The following NADSYN1 variants were observed in gnomAD, a reference collection of about 807,000 sequenced individuals.
The protein encoded by NADSYN1 is NAD synthetase 1.
In NADSYN1, 80 loss-of-function variants were observed where a neutral mutation model predicts 99.3. The ratio of observed to expected loss-of-function variants is 0.81; its 90% CI spans 0.67 to 0.97. The LOEUF (loss-of-function observed/expected upper bound fraction) is 0.97. Ranked by LOEUF, NADSYN1 falls within the 50% of genes least tolerant of loss-of-function variation. NADSYN1 has a pLI of 0.00. For synonymous variants in NADSYN1, 385 were observed against 372.1 expected, an observed-to-expected ratio of 1.03 and a Z score of -0.40; for missense variants, 859 against 948.5, an observed-to-expected ratio of 0.91 and a Z score of 1.24.
chr11:71,459,189 TTGTG>T lies in NADSYN1; in HGVS notation c.263+650_263+653del, dbSNP rs1488634463. On this transcript the variant is annotated intron_variant, in intron 3 of 20. Transcript: ENST00000319023. Reference sequence around the variant, plus strand: ...GCATAGCCAGTCCCTGTGGAGGCCTTTGTGTGTGCTGTGCTGGTGTCTGTGCGGT... The same window carrying T: ...GCATAGCCAGTCCCTGTGGAGGCCTTTGTGCTGTGCTGGTGTCTGTGCGGT... The T allele has an allele frequency of 8.3e-4, 117 of 140,238 alleles. 1 individual carries two copies. The highest frequency in any genetic ancestry group is 2.3e-4 in the Admixed American group (3 of 13,296). 8.7% of individuals were successfully genotyped at this position (140,238 alleles called of 1,614,324 possible). A position where few individuals can be genotyped will look rare whatever the true frequency, so the allele number is the denominator to read the frequency against.
At chr11:71,466,789 G>A (rs1375174665) in intron 5 of NADSYN1, 1 of 152,228 alleles carries the variant, frequency 6.6e-6, no homozygotes, top group African/African-American at 2.4e-5. Flanking sequence ...CAATATGTAT[G>A]CATTTATGTC....
intron 2 of NADSYN1, among the ~76,000 whole-genome samples, chr11:71,456,391 T>C (rs911664883): frequency 1.3e-5 from 2 of 152,232 alleles, no homozygotes; most frequent in African/African-American, 2.4e-5. Flanking sequence ...CTGTCTGATA[T>C]CACAAAGCTT....
chr11:71,489,093 A>T (rs7113783), intron 16 of NADSYN1, among the ~76,000 whole-genome samples: 1 of 151,878 alleles, frequency 6.6e-6, no homozygotes, highest in South Asian at 2.1e-4. Context: ...CCAGCCCTGC[A>T]GGGTTAAGTT....
intron 9 of NADSYN1, chr11:71,477,223 C>G (rs1949674562): frequency 8.4e-7 from 1 of 1,191,684 alleles, no homozygotes; most frequent in Non-Finnish European, 1.1e-6. Flanking sequence ...CGCCGTGCGG[C>G]AGGCTGTTAA....
chr11:71,491,567 G>GGTGCCCA (rs921824819), intron 17 of NADSYN1, among the ~76,000 whole-genome samples: 4 of 152,258 alleles, frequency 2.6e-5, no homozygotes, highest in African/African-American at 9.6e-5. Context: ...AGGTGTGCCC[G>GGTGCCCA]GTGCCCAGTG....
intron 1 of NADSYN1, among the ~76,000 whole-genome samples, chr11:71,454,077 G>A (rs917649946): frequency 6.6e-6 from 1 of 152,216 alleles, no homozygotes; most frequent in Non-Finnish European, 1.5e-5. Flanking sequence ...GCACCTAAAT[G>A]GGCAAGCCTG....
chr11:71,491,010 A>G (rs200947215), intron 17 of NADSYN1, 34 bp downstream of exon 17: 128 of 1,612,300 alleles, frequency 7.9e-5, no homozygotes, highest in Non-Finnish European at 1.0e-4. Context: ...CTCCACAGCC[A>G]CGGGGCTCCT....
intron 16 of NADSYN1, among the ~76,000 whole-genome samples, chr11:71,488,797 C>T (rs539688554): frequency 6.6e-6 from 1 of 152,272 alleles, no homozygotes; most frequent in South Asian, 2.1e-4. Flanking sequence ...TGTAGGCATG[C>T]ACCACCACGC....
chr11:71,471,102 A>G (rs1472166272), intron 5 of NADSYN1, among the ~76,000 whole-genome samples: 3 of 152,098 alleles, frequency 2.0e-5, no homozygotes, highest in African/African-American at 4.8e-5. Context: ...ATTTCAGAGC[A>G]TAAGTGTGGG....
chr11:71,493,834 A>AATTTTTTT (rs1383973338), intron 18 of NADSYN1, among the ~76,000 whole-genome samples: 5 of 152,108 alleles, frequency 3.3e-5, no homozygotes, highest in African/African-American at 9.7e-5. Flanking sequence ...TTTTAATTAA[A>AATTTTTTT]AAGTTTATAA....
intron 5 of NADSYN1, among the ~76,000 whole-genome samples, chr11:71,470,038 C>T (rs1048761511): frequency 2.0e-5 from 3 of 151,890 alleles, no homozygotes; most frequent in African/African-American, 7.3e-5. Flanking sequence ...CTCACAGTTC[C>T]ATGTGGCTGG....
intron 18 of NADSYN1, among the ~76,000 whole-genome samples, chr11:71,495,927 C>T (rs1047763852): frequency 5.9e-5 from 9 of 152,272 alleles, no homozygotes; most frequent in Middle Eastern, 3.4e-3. Context: ...GTATGAGCCT[C>T]GGGGTAAAAT....
At chr11:71,493,921 A>G (rs1591136495) in intron 18 of NADSYN1, among the ~76,000 whole-genome samples, 1 of 152,336 alleles carries the variant, frequency 6.6e-6, no homozygotes, top group East Asian at 1.9e-4. Flanking sequence ...CACTGAGGTC[A>G]GGAGTTCCAA....
intron 5 of NADSYN1, among the ~76,000 whole-genome samples, chr11:71,464,751 C>G (rs1949575937): frequency 6.6e-6 from 1 of 151,540 alleles, no homozygotes; most frequent in Non-Finnish European, 1.5e-5. Flanking sequence ...CCTGTAGTCC[C>G]AGCTACTCGG....
At chr11:71,471,411 C>T (rs909951740) in intron 5 of NADSYN1, among the ~76,000 whole-genome samples, 1 of 152,182 alleles carries the variant, frequency 6.6e-6, no homozygotes, top group Non-Finnish European at 1.5e-5. Flanking sequence ...CTTAGGAAAA[C>T]ATAACTAAGG....
intron 9 of NADSYN1, chr11:71,476,655 G>C (rs1359897693): frequency 1.0e-6 from 1 of 985,856 alleles, no homozygotes; most frequent in African/African-American, 1.7e-5. Context: ...AACCGCGACA[G>C]AGCTGGAAGG....
Position 71,497,578 on chromosome 11 carries a change from C to A in NADSYN1, c.1860C>A (p.Leu620=), listed in dbSNP as rs140975612. Residue 620 remains leucine (L), a synonymous_variant, in exon 19 of 21, where the codon CTC becomes CTA. Transcript: ENST00000319023. ...MGPYSMFCKL[L]GMWRHICTPR... ...CCTACAGCATGTTCTGCAAACTCCT[C>A]GGCATGTGGAGACACATCTGCACCC... 1 of 1,614,038 alleles carries A rather than the reference C, an allele frequency of 6.2e-7. No homozygotes were observed. The highest frequency in any genetic ancestry group is 1.1e-5 in the South Asian group (1 of 91,074).
intron 2 of NADSYN1, among the ~76,000 whole-genome samples, chr11:71,456,615 G>A (rs977567160): frequency 1.1e-4 from 16 of 152,090 alleles, no homozygotes; most frequent in Non-Finnish European, 1.8e-4. Flanking sequence ...TTCTTTCTTC[G>A]TCCTAGTCTC....
intron 3 of NADSYN1, chr11:71,459,724 G>T (rs12806844): frequency 6.6e-6 from 1 of 152,300 alleles, no homozygotes; most frequent in African/African-American, 2.4e-5. Context: ...TTCTTCCTTG[G>T]CATCTGCCTG....
Sources: allele counts gnomAD v4.1 joint callset (sites outside exome capture counted in the v4.1 genomes callset), GRCh38; gene constraint gnomAD v4.1.1; transcripts MANE v1.5; gene names NCBI Gene and HGNC (gene_info 2026-07-23, HGNC 2026-07-21).